Variants in LRFN2 observed in about 807,000 individuals in gnomAD.
LRFN2 encodes the protein leucine rich repeat and fibronectin type III domain containing 2.
Under a neutral mutation model 37.3 loss-of-function variants are expected in LRFN2, and 18 were observed. That is an observed-to-expected ratio of 0.48 (90% confidence interval 0.33 to 0.72). LRFN2 has a LOEUF of 0.72. LRFN2 is among the 30% of genes least tolerant of loss of function. The pLI is 0.02. For missense variants in LRFN2, 1,006 were observed against 1,060.7 expected (o/e 0.95, Z 0.72); for synonymous variants, 556 against 466.6 (o/e 1.19, Z -2.47).
At position 40,432,569 on chromosome 6, in the gene LRFN2, T is replaced by C; in HGVS notation, c.545A>G (p.His182Arg). The C allele has an allele frequency of 6.2e-7, 1 of 1,614,184 alleles. No homozygotes were observed. The highest frequency in any genetic ancestry group is 8.5e-7 in the Non-Finnish European group (1 of 1,180,030). ...CTCGGCGATGTGATCCAGCAGGTTG[T>C]GGTCCAGGCTCAGCTGGTGGAGGTT... The part of the protein sequence containing the change: ...MVNLHQLSLD[H>R]NLLDHIAEGT... The change falls in exon 2 of 3, where the codon CAC becomes CGC. Residue 182 changes from histidine (H) to arginine (R), a missense_variant. His to Arg is a conservative substitution (Grantham distance 29, BLOSUM62 0). Coordinates refer to ENST00000338305, the MANE Select transcript of LRFN2 (RefSeq NM_020737.3).
At chr6:40,419,158 G>A (rs376130634) in intron 2 of LRFN2, among the ~76,000 whole-genome samples, 2 of 152,182 alleles carry the variant, frequency 1.3e-5, no homozygotes, top group African/African-American at 2.4e-5. Flanking sequence ...GTCAAGTGTC[G>A]CAAATTATTG....
At chr6:40,419,910 C>T (rs9367056) in intron 2 of LRFN2, among the ~76,000 whole-genome samples, 1 of 152,014 alleles carries the variant, frequency 6.6e-6, no homozygotes, top group African/African-American at 2.4e-5. Flanking sequence ...TAACCTTTTG[C>T]GGGGCTAATT....
chr6:40,539,398 TAG>T (rs1356167394), intron 1 of LRFN2, among the ~76,000 whole-genome samples: 8 of 152,162 alleles, frequency 5.3e-5, no homozygotes, highest in African/African-American at 1.9e-4. Context: ...GTTTGGAGAA[TAG>T]AGGAATAAAT....
chr6:40,497,673 C>T (rs1765268079), intron 1 of LRFN2, among the ~76,000 whole-genome samples: 1 of 152,134 alleles, frequency 6.6e-6, no homozygotes, highest in Non-Finnish European at 1.5e-5. Flanking sequence ...GCCTCAGTTT[C>T]CACACCTGCA....
At chr6:40,502,481 A>C (rs1446148248) in intron 1 of LRFN2, 1 of 152,182 alleles carries the variant, frequency 6.6e-6, no homozygotes, top group Non-Finnish European at 1.5e-5. Context: ...GCGCCCATGC[A>C]CAGGAGTCTC....
intron 1 of LRFN2, among the ~76,000 whole-genome samples, chr6:40,443,928 G>A (rs1763904375): frequency 6.6e-6 from 1 of 152,184 alleles, no homozygotes; most frequent in Non-Finnish European, 1.5e-5. Context: ...ACAGGAGGAT[G>A]TAGCCCTAAG....
At chr6:40,494,488 A>G (rs912457673) in intron 1 of LRFN2, among the ~76,000 whole-genome samples, 2 of 152,200 alleles carry the variant, frequency 1.3e-5, no homozygotes, top group Non-Finnish European at 2.9e-5. Context: ...TAACTTTGAA[A>G]TTCCAAGAAT....
chr6:40,508,579 A>AG (rs1765606525), intron 1 of LRFN2, among the ~76,000 whole-genome samples: 1 of 152,178 alleles, frequency 6.6e-6, no homozygotes, highest in African/African-American at 2.4e-5. Flanking sequence ...ACTGCATACT[A>AG]GTGGGTCACC....
intron 1 of LRFN2, among the ~76,000 whole-genome samples, chr6:40,490,814 G>A (rs1250756333): frequency 1.3e-5 from 2 of 152,220 alleles, no homozygotes; most frequent in Non-Finnish European, 2.9e-5. Flanking sequence ...CCTGGGGCAG[G>A]GGAGATTCCT....
chr6:40,513,629 G>A (rs960516341), intron 1 of LRFN2, among the ~76,000 whole-genome samples: 6 of 152,136 alleles, frequency 3.9e-5, no homozygotes, highest in Non-Finnish European at 7.3e-5. Context: ...GTGACATTCC[G>A]GAGGCGGGCG....
intron 2 of LRFN2, among the ~76,000 whole-genome samples, chr6:40,401,184 AAG>A (rs1762731978): frequency 6.6e-6 from 1 of 152,014 alleles, no homozygotes; most frequent in Admixed American, 6.6e-5. Flanking sequence ...AGCCTCCAGG[AAG>A]AGCCTGTGGA....
intron 1 of LRFN2, among the ~76,000 whole-genome samples, chr6:40,570,589 A>G (rs1262994550): frequency 1.3e-5 from 2 of 152,154 alleles, no homozygotes; most frequent in African/African-American, 2.4e-5. Context: ...GAAGCAATAA[A>G]CCAACAAGCA....
At chr6:40,462,179 G>A (rs987943415) in intron 1 of LRFN2, among the ~76,000 whole-genome samples, 3 of 152,204 alleles carry the variant, frequency 2.0e-5, no homozygotes, top group South Asian at 2.1e-4. Flanking sequence ...AAACAGAGGC[G>A]AAGTATTAAG....
intron 2 of LRFN2, among the ~76,000 whole-genome samples, chr6:40,423,266 A>G (rs1581693537): frequency 6.6e-6 from 1 of 152,324 alleles, no homozygotes; most frequent in East Asian, 1.9e-4. Flanking sequence ...TTAAAACCTC[A>G]TCAGATCACT....
chr6:40,494,177 C>T (rs1225667819), intron 1 of LRFN2, among the ~76,000 whole-genome samples: 2 of 152,204 alleles, frequency 1.3e-5, no homozygotes, highest in South Asian at 2.1e-4. Context: ...GACAGGACAT[C>T]GGTTTCCATT....
chr6:40,541,746 C>G (rs1766559073), intron 1 of LRFN2, among the ~76,000 whole-genome samples: 1 of 152,348 alleles, frequency 6.6e-6, no homozygotes, highest in South Asian at 2.1e-4. Flanking sequence ...AATGTTCTCA[C>G]TTGCAGAAGA....
intron 1 of LRFN2, among the ~76,000 whole-genome samples, chr6:40,529,458 T>C (rs960959767): frequency 2.0e-5 from 3 of 152,242 alleles, no homozygotes; most frequent in Admixed American, 1.3e-4. Context: ...AGGTGGTCAA[T>C]GTGGGCTTAA....
intron 1 of LRFN2, among the ~76,000 whole-genome samples, chr6:40,478,075 C>T (rs944610749): frequency 2.6e-5 from 4 of 152,116 alleles, no homozygotes; most frequent in African/African-American, 4.8e-5. Flanking sequence ...AGGGATAAGC[C>T]GGCACCAGGG....
At chr6:40,529,293 T>A (rs1361514663) in intron 1 of LRFN2, among the ~76,000 whole-genome samples, 1 of 152,168 alleles carries the variant, frequency 6.6e-6, no homozygotes, top group African/African-American at 2.4e-5. Context: ...GTCCCAGTCA[T>A]GACAGAAACG....
Sources: gnomAD v4.1 joint callset for allele counts (sites outside exome capture counted in the v4.1 genomes callset) on GRCh38, gnomAD v4.1.1 for gene constraint, MANE v1.5 for transcripts, NCBI Gene and HGNC (gene_info 2026-07-23, HGNC 2026-07-21) for gene names.